Variants in BICC1 observed in about 807,000 individuals in gnomAD.
BICC1 encodes BicC family RNA binding protein 1.
BICC1 carries 43 observed loss-of-function variants against 111.0 expected under a neutral mutation model. That is an observed-to-expected ratio of 0.39 (90% CI 0.30 to 0.50). BICC1 has a LOEUF of 0.50. Ranked by LOEUF, BICC1 falls within the 20% of genes least tolerant of loss-of-function variation. The probability of loss-of-function intolerance (pLI) is 0.88; values close to 1 mark genes in which losing one functional copy is unlikely to be tolerated. For synonymous variants in BICC1, 467 were observed against 434.4 expected, an observed-to-expected ratio of 1.07 and a Z score of -0.93; for missense variants, 1,091 against 1,203.2, an observed-to-expected ratio of 0.91 and a Z score of 1.38.
chr10:58,542,230 C>T lies in BICC1; in HGVS notation c.190+28897C>T, dbSNP rs540064902. Among the ~76,000 whole-genome samples, 9 of 150,952 alleles carry T rather than the reference C, an allele frequency of 6.0e-5. No homozygotes were observed. The South Asian group carries it at 1.7e-3, about 28-fold the overall frequency. On this transcript the variant is annotated intron_variant, in intron 1 of 20. Transcript: ENST00000373886. ...AATAGAGAATCGAGAAATAAATCCT[C>T]GCCTATATAGTCAAATGATTTTTGA...
chr10:58,529,626 A>G (rs1473679151), intron 1 of BICC1, among the ~76,000 whole-genome samples: 1 of 151,872 alleles, frequency 6.6e-6, no homozygotes, highest in Non-Finnish European at 1.5e-5. Context: ...TGCAGGAGGA[A>G]TCATGTAAAG....
At chr10:58,583,418 T>C (rs768622596) in intron 1 of BICC1, among the ~76,000 whole-genome samples, 31 of 152,082 alleles carry the variant, frequency 2.0e-4, no homozygotes, top group Non-Finnish European at 3.5e-4. Flanking sequence ...TCTTGTGCCT[T>C]TGCGTCCTCA....
At chr10:58,717,657 T>G (rs113388718) in intron 3 of BICC1, among the ~76,000 whole-genome samples, 86 of 152,338 alleles carry the variant, frequency 5.6e-4, no homozygotes, top group African/African-American at 1.7e-3. Flanking sequence ...TTCAACAGAT[T>G]TGATGACATT....
At chr10:58,707,601 C>T (rs1006167589) in intron 3 of BICC1, among the ~76,000 whole-genome samples, 16 of 152,078 alleles carry the variant, frequency 1.1e-4, no homozygotes, top group African/African-American at 2.9e-4. Context: ...GCAATTTCAC[C>T]TCACTGTGAC....
chr10:58,547,349 GT>G (rs1281862591), intron 1 of BICC1, among the ~76,000 whole-genome samples: 1 of 152,124 alleles, frequency 6.6e-6, no homozygotes, highest in Non-Finnish European at 1.5e-5. Flanking sequence ...ACATCCCTTA[GT>G]TGGGATCTGT....
intron 2 of BICC1, among the ~76,000 whole-genome samples, chr10:58,638,169 G>A (rs1838007980): frequency 6.6e-6 from 1 of 152,062 alleles, no homozygotes; most frequent in Non-Finnish European, 1.5e-5. Context: ...ACAGAGCAGG[G>A]CTGGAAATAG....
intron 1 of BICC1, among the ~76,000 whole-genome samples, chr10:58,591,981 A>G (rs1324901972): frequency 5.3e-5 from 8 of 152,244 alleles, no homozygotes; most frequent in African/African-American, 1.9e-4. Flanking sequence ...TATATAGAGT[A>G]ATACAGAATA....
chr10:58,555,605 T>C (rs2131931222), intron 1 of BICC1, among the ~76,000 whole-genome samples: 1 of 152,250 alleles, frequency 6.6e-6, no homozygotes, highest in Non-Finnish European at 1.5e-5. Context: ...AGCAGTTCTT[T>C]GCAAAGGAAG....
chr10:58,658,295 C>G (rs111548348), intron 2 of BICC1, among the ~76,000 whole-genome samples: 1,839 of 152,196 alleles, frequency 0.012, 43 homozygotes, highest in African/African-American at 0.042. Flanking sequence ...TTAAGCGATT[C>G]TCCTGCCTTA....
intron 1 of BICC1, among the ~76,000 whole-genome samples, chr10:58,539,522 T>G (rs1842906841): frequency 7.2e-6 from 1 of 138,494 alleles, no homozygotes; most frequent in Non-Finnish European, 1.6e-5. Flanking sequence ...CTCATACCCC[T>G]AAAGCTACTG....
chr10:58,743,168 G>A (rs895450386), intron 3 of BICC1, among the ~76,000 whole-genome samples: 5 of 152,162 alleles, frequency 3.3e-5, no homozygotes, highest in African/African-American at 1.2e-4. Context: ...AGAATGACAA[G>A]CAGACATATT....
intron 2 of BICC1, among the ~76,000 whole-genome samples, chr10:58,672,814 G>T (rs1321143089): frequency 6.6e-6 from 1 of 152,142 alleles, no homozygotes; most frequent in Non-Finnish European, 1.5e-5. Flanking sequence ...TATTCTTTGT[G>T]ACTAGGTGTT....
At chr10:58,578,151 T>C (rs185769402) in intron 1 of BICC1, among the ~76,000 whole-genome samples, 2 of 152,328 alleles carry the variant, frequency 1.3e-5, no homozygotes, top group African/African-American at 2.4e-5. Flanking sequence ...TTTTCCCTTA[T>C]GAAAAGGGCT....
chr10:58,793,697 G>T, intron 9 of BICC1, 82 bp downstream of exon 9: 1 of 1,452,334 alleles, frequency 6.9e-7, no homozygotes, highest in Non-Finnish European at 9.5e-7. Flanking sequence ...GTATTTATTT[G>T]CATATACATG....
intron 2 of BICC1, among the ~76,000 whole-genome samples, chr10:58,665,028 C>T (rs933373043): frequency 1.3e-5 from 2 of 152,120 alleles, no homozygotes; most frequent in Admixed American, 6.6e-5. Context: ...TGGCTTTCTG[C>T]CAGCTCTGTA....
intron 1 of BICC1, among the ~76,000 whole-genome samples, chr10:58,581,900 C>G (rs1844292442): frequency 2.0e-5 from 3 of 152,088 alleles, no homozygotes; most frequent in Admixed American, 2.0e-4. Flanking sequence ...AAATTCCTCT[C>G]TATCTCTCCT....
chr10:58,568,636 A>C (rs1364824240), intron 1 of BICC1, among the ~76,000 whole-genome samples: 1 of 152,132 alleles, frequency 6.6e-6, no homozygotes, highest in African/African-American at 2.4e-5. Flanking sequence ...ATCCACTCCA[A>C]GGAGGCTTTT....
At chr10:58,752,053 T>G (rs1267324836) in intron 3 of BICC1, among the ~76,000 whole-genome samples, 3 of 152,206 alleles carry the variant, frequency 2.0e-5, no homozygotes, top group Non-Finnish European at 4.4e-5. Flanking sequence ...TTTTTCTTAT[T>G]TTTAGACATA....
intron 2 of BICC1, among the ~76,000 whole-genome samples, chr10:58,665,227 C>G (rs925313691): frequency 1.3e-5 from 2 of 152,114 alleles, no homozygotes; most frequent in African/African-American, 4.8e-5. Context: ...GTTCCCACCT[C>G]TCTCAAAAAC....
Sources: allele counts gnomAD v4.1 joint callset (sites outside exome capture counted in the v4.1 genomes callset), GRCh38; gene constraint gnomAD v4.1.1; transcripts MANE v1.5; gene names NCBI Gene and HGNC (gene_info 2026-07-23, HGNC 2026-07-21).